Variants in EML4 observed in about 807,000 individuals in gnomAD.
EML4 encodes echinoderm microtubule-associated protein-like 4.
A neutral mutation model predicts 129.0 loss-of-function variants in EML4; 72 were observed. The ratio of observed to expected loss-of-function variants is 0.56; its 90% CI spans 0.46 to 0.68. The LOEUF (loss-of-function observed/expected upper bound fraction) is 0.68. Ranked by LOEUF, EML4 falls within the 30% of genes least tolerant of loss-of-function variation. EML4 has a pLI of 0.00. For synonymous variants in EML4, 532 were observed against 405.0 expected (o/e 1.31, Z -3.77); for missense variants, 1,363 against 1,190.6 (o/e 1.14, Z -2.13).
intron 8 of EML4, among the ~76,000 whole-genome samples, chr2:42,284,318 C>T (rs190051941): frequency 3.3e-5 from 5 of 152,234 alleles, no homozygotes; most frequent in Admixed American, 2.0e-4. Flanking sequence ...ATAATAAAGT[C>T]GTGTGATTTG....
intron 6 of EML4, among the ~76,000 whole-genome samples, chr2:42,269,417 G>C (rs901804931): frequency 6.6e-6 from 1 of 152,120 alleles, no homozygotes; most frequent in African/African-American, 2.4e-5. Flanking sequence ...GATATTTACT[G>C]AGTGCTTATT....
chr2:42,216,218 C>A (rs1401423152), intron 1 of EML4, among the ~76,000 whole-genome samples: 1 of 148,968 alleles, frequency 6.7e-6, no homozygotes, highest in African/African-American at 2.5e-5. Context: ...AGCTACCACA[C>A]CCGGCCCACT....
intron 1 of EML4, among the ~76,000 whole-genome samples, chr2:42,194,944 A>G (rs1404227444): frequency 2.0e-5 from 3 of 152,212 alleles, no homozygotes; most frequent in Non-Finnish European, 4.4e-5. Context: ...TCTTACAAAT[A>G]TGCTTATAAA....
chr2:42,264,393 C>A (rs1303985370), intron 5 of EML4, among the ~76,000 whole-genome samples: 1 of 152,170 alleles, frequency 6.6e-6, no homozygotes, highest in African/African-American at 2.4e-5. Context: ...GCTAGGATTA[C>A]AGGTGTGAGC....
At chr2:42,235,352 CAGG>C (rs1488558073) in intron 1 of EML4, among the ~76,000 whole-genome samples, 1 of 141,214 alleles carries the variant, frequency 7.1e-6, no homozygotes, top group Non-Finnish European at 1.5e-5. Flanking sequence ...CCCAGCTACT[CAGG>C]AGGCTAAGGC....
At chr2:42,225,041 C>T (rs1388903456) in intron 1 of EML4, among the ~76,000 whole-genome samples, 1 of 152,110 alleles carries the variant, frequency 6.6e-6, no homozygotes, top group African/African-American at 2.4e-5. Flanking sequence ...TTTTACTTAG[C>T]ATAATGTTTT....
At chr2:42,294,983 T>A in intron 11 of EML4, 142 bp from the exon 12 acceptor site, 1 of 686,028 alleles carries the variant, frequency 1.5e-6, no homozygotes, top group Non-Finnish European at 2.3e-6. Context: ...ATTATCAAAA[T>A]TTTTCAGGAA....
At chr2:42,251,308 C>G (rs1293115326) in intron 2 of EML4, among the ~76,000 whole-genome samples, 1 of 152,208 alleles carries the variant, frequency 6.6e-6, no homozygotes, top group Non-Finnish European at 1.5e-5. Context: ...TCTTGGACCA[C>G]TGTCGTATAT....
chr2:42,315,397 G>C (rs189280378), intron 17 of EML4, among the ~76,000 whole-genome samples: 1 of 152,246 alleles, frequency 6.6e-6, no homozygotes. Flanking sequence ...TATTTAAACA[G>C]TGCCTAGCAA....
At position 42,288,324 on chromosome 2, in the gene EML4, T is replaced by C; in HGVS notation, c.1218+2T>C. On this transcript the variant is annotated splice_donor_variant, in intron 11 of 22. Transcript: ENST00000318522. LOFTEE classifies it high-confidence loss of function. ...AAAGCAAAAGGAGCAGAAATAAAGG[T>C]AAATTTTTAAAAAACCGAGTATTGT... is the stretch of plus-strand genomic sequence containing the variant. The C allele has an allele frequency of 6.8e-7, 1 of 1,470,808 alleles. No homozygotes were observed. The highest frequency in any genetic ancestry group is 9.4e-7 in the Non-Finnish European group (1 of 1,060,182). 91.1% of individuals were successfully genotyped at this position (1,470,808 alleles called of 1,614,324 possible). A position where few individuals can be genotyped will look rare whatever the true frequency, so the allele number is the denominator to read the frequency against.
intron 1 of EML4, among the ~76,000 whole-genome samples, chr2:42,225,965 C>T (rs1038617183): frequency 6.6e-6 from 1 of 152,056 alleles, no homozygotes; most frequent in Non-Finnish European, 1.5e-5. Flanking sequence ...ATTTTACAAA[C>T]ATCTAAAAAT....
At chr2:42,188,310 C>T (rs368847521) in intron 1 of EML4, among the ~76,000 whole-genome samples, 2 of 152,052 alleles carry the variant, frequency 1.3e-5, no homozygotes, top group East Asian at 3.9e-4. Flanking sequence ...TGTAGAGGAC[C>T]TCCTGGGCTC....
intron 1 of EML4, among the ~76,000 whole-genome samples, chr2:42,177,758 A>G (rs1670689546): frequency 6.6e-6 from 1 of 152,246 alleles, no homozygotes; most frequent in Admixed American, 6.5e-5. Context: ...TTCAAGTACA[A>G]GTCATGTGCA....
At chr2:42,196,841 A>T (rs996147139) in intron 1 of EML4, among the ~76,000 whole-genome samples, 1 of 152,172 alleles carries the variant, frequency 6.6e-6, no homozygotes, top group East Asian at 1.9e-4. Flanking sequence ...AATACCTAAT[A>T]CAGTAACCAC....
intron 1 of EML4, among the ~76,000 whole-genome samples, chr2:42,241,928 A>C (rs571522922): frequency 6.6e-4 from 101 of 152,130 alleles, no homozygotes; most frequent in Non-Finnish European, 1.3e-3. Flanking sequence ...AATGCAGGCA[A>C]TTGTTAACTT....
At chr2:42,290,264 T>C (rs761061697) in intron 11 of EML4, among the ~76,000 whole-genome samples, 9 of 152,188 alleles carry the variant, frequency 5.9e-5, no homozygotes, top group Non-Finnish European at 7.3e-5. Flanking sequence ...CTTGACCTTA[T>C]TCTGTTCTAC....
intron 19 of EML4, among the ~76,000 whole-genome samples, chr2:42,323,780 A>AAG (rs1328169360): frequency 6.6e-6 from 1 of 150,570 alleles, no homozygotes; most frequent in Non-Finnish European, 1.5e-5. Context: ...CCAAAAAAAA[A>AAG]AAAACAAACA....
chr2:42,245,984 G>A (rs1362090128), intron 2 of EML4, among the ~76,000 whole-genome samples: 2 of 152,004 alleles, frequency 1.3e-5, no homozygotes, highest in Non-Finnish European at 2.9e-5. Context: ...CTGAATCATC[G>A]TTTTGTGTCT....
chr2:42,295,509 A>T lies in EML4; in HGVS notation c.1482A>T (p.Gly494=), dbSNP rs757062515. The change falls in exon 13 of 23, where the codon GGA becomes GGT. Residue 494 remains glycine (G), a synonymous_variant. Transcript: ENST00000318522. ...CTGTAGAGCCCACACCTGGGAAAGGACCTAAAGGTACAGTATTCTTATATT... is the reference window on the plus strand; with the variant it reads ...CTGTAGAGCCCACACCTGGGAAAGGTCCTAAAGGTACAGTATTCTTATATT... ...KTTVEPTPGK[G]PKGVYQISKQ... 7 of 1,611,392 alleles carry T rather than the reference A, an allele frequency of 4.3e-6. No individual in the cohort carries two copies. In the African/African-American group the frequency reaches 9.4e-5, roughly 22 times the overall value.
Sources: allele counts gnomAD v4.1 joint callset (sites outside exome capture counted in the v4.1 genomes callset), GRCh38; gene constraint gnomAD v4.1.1; transcripts MANE v1.5; gene names NCBI Gene and HGNC (gene_info 2026-07-23, HGNC 2026-07-21).